Variants in BCL9L observed in about 807,000 individuals in gnomAD.
BCL9L encodes the protein BCL9 like, also known as B-cell CLL/lymphoma 9-like protein.
In BCL9L, 19 loss-of-function variants were observed where a neutral mutation model predicts 99.4. The ratio of observed to expected loss-of-function variants is 0.19; its 90% CI spans 0.13 to 0.28. BCL9L has a LOEUF of 0.28. Ranked by LOEUF, BCL9L falls within the 10% of genes least tolerant of loss-of-function variation. The probability of loss-of-function intolerance (pLI) is 1.00; values close to 1 mark genes in which losing one functional copy is unlikely to be tolerated. For missense variants in BCL9L, 2,023 were observed against 2,101.6 expected (o/e 0.96, Z 0.73); for synonymous variants, 900 against 854.8 (o/e 1.05, Z -0.92).
rs760040925 is a variant in BCL9L at position 118,899,947 on chromosome 11, G to C, written c.3376C>G (p.Pro1126Ala). 77 of 1,613,408 alleles carry C rather than the reference G, an allele frequency of 4.8e-5. No individual in the cohort carries two copies. The highest frequency in any genetic ancestry group is 1.3e-4 in the South Asian group (12 of 91,074). ...CCGGAGCCCTGCGGTGGTGGTGGGG[G>C]GGGCAGCAGGGGCCGGTCGGGCAGC... is the stretch of plus-strand genomic sequence containing the variant. ...ELLPDRPLLP[P>A]PPPPQGSGPG... The change falls in exon 9 of 10, where the codon CCC (proline) becomes GCC (alanine). Residue 1126 changes from proline to alanine, a missense_variant. Physicochemically the swap from Pro to Ala is conservative, Grantham distance 27. Coordinates refer to ENST00000683865, the MANE Select transcript of BCL9L (RefSeq NM_001378213.1).
intron 2 of BCL9L, among the ~76,000 whole-genome samples, chr11:118,915,673 G>C (rs1432891828): frequency 1.3e-5 from 2 of 152,202 alleles, no homozygotes; most frequent in African/African-American, 4.8e-5. Context: ...CCCTTCAAGA[G>C]AGCCAGCCTC....
At chr11:118,906,322 A>C (rs1297332679) in intron 5 of BCL9L, among the ~76,000 whole-genome samples, 1 of 152,206 alleles carries the variant, frequency 6.6e-6, no homozygotes, top group Non-Finnish European at 1.5e-5. Context: ...TTCTATCATC[A>C]AAGGGTTCAG....
Position 118,900,575 on chromosome 11 carries a change from CGCCTGCCTGCCT to C in BCL9L, c.3124+32_3124+43del, listed in dbSNP as rs756712665. 3.2e-4 allele frequency: 498 copies of C among 1,558,144 alleles called. No individual in the cohort carries two copies. Among genetic ancestry groups the C allele is most frequent in the African/African-American group, 1.7e-3 (123 of 74,182 alleles). On this transcript the variant is annotated intron_variant, in intron 8 of 9. Transcript: ENST00000683865. The surrounding 1 kb of genome is among the most constrained non-coding windows in gnomAD (Gnocchi z 5.3). ...GCCCCAGCATGGACACACTGCTCAG[CGCCTGCCTGCCT>C]GCCTGCCTGCCTGCCTGCGCAATTG...
At chr11:118,924,813 C>T (rs1592008821) in intron 1 of BCL9L, among the ~76,000 whole-genome samples, 1 of 152,242 alleles carries the variant, frequency 6.6e-6, no homozygotes, top group African/African-American at 2.4e-5. Flanking sequence ...CCCAGCTCTC[C>T]CCAGTCCCAA....
intron 2 of BCL9L, among the ~76,000 whole-genome samples, chr11:118,912,446 A>G (rs1376778804): frequency 6.6e-6 from 1 of 152,126 alleles, no homozygotes. Context: ...GAGGAGCGGA[A>G]GAGGCGGCTT....
rs1191165607 is a variant in BCL9L, at chr11:118,897,955, C to T, written c.*460G>A. 6 of 436,480 alleles carry T rather than the reference C, an allele frequency of 1.4e-5. No individual in the cohort carries two copies. The highest frequency in any genetic ancestry group is 5.5e-5 in the Admixed American group (2 of 36,336). The allele number at this position is 436,480 out of a possible 1,614,324, so 27.0% of individuals were successfully genotyped here. ...CAGGTAAAGACAGAAGGAAAATGGG[C>T]GGGTGCGGAGAAACCAAGAGGGAGG... On this transcript the variant is annotated 3_prime_UTR_variant, in exon 10 of 10. Coordinates refer to ENST00000683865, the MANE Select transcript of BCL9L (RefSeq NM_001378213.1).
chr11:118,899,127 G>A lies in BCL9L; in HGVS notation c.3788C>T (p.Pro1263Leu), dbSNP rs1459438509. 1 of 1,548,876 alleles carries A rather than the reference G, an allele frequency of 6.5e-7. No individual in the cohort carries two copies. The highest frequency in any genetic ancestry group is 8.7e-7 in the Non-Finnish European group (1 of 1,146,570). ...TGGCGGCTGGTTGGGCAGGTCCTCG[G>A]GAGGCAGGGCCATGCCTGACGGGTA... ...QHYPSGMALP[P>L]EDLPNQPPGP... The change falls in exon 10 of 10, where the codon CCC becomes CTC. Residue 1263 changes from proline (P) to leucine (L), a missense_variant. Pro to Leu is a moderately conservative substitution (Grantham distance 98). Around this residue, in one of 3 missense-constraint regions of BCL9L, gnomAD observed 902 missense variants for 888.2 expected, o/e 1.02. Transcript: ENST00000683865.
In BCL9L at chr11:118,898,567, G is replaced by A. The variant is rs1359968273; in HGVS notation, c.4348C>T (p.Pro1450Ser). ...GVGGEVYSQP[P>S]HMLSPQGSLM... Reference sequence around the variant, plus strand: ...GAGCCCTGCGGGGAGAGCATGTGGGGCGGCTGGCTGTAGACCTCGCCCCCC... The same window carrying A: ...GAGCCCTGCGGGGAGAGCATGTGGGACGGCTGGCTGTAGACCTCGCCCCCC... The change falls in exon 10 of 10, where the codon CCC becomes TCC. Residue 1450 changes from proline to serine, a missense_variant. Physicochemically the swap from Pro to Ser is moderately conservative, Grantham distance 74. Around this residue, in one of 3 missense-constraint regions of BCL9L, gnomAD observed 902 missense variants for 888.2 expected, o/e 1.02. Coordinates refer to ENST00000683865, the MANE Select transcript of BCL9L (RefSeq NM_001378213.1). The A allele has an allele frequency of 1.2e-6, 2 of 1,609,232 alleles. No homozygotes were observed. Among genetic ancestry groups the A allele is most frequent in the South Asian group, 1.1e-5 (1 of 90,690 alleles).
Position 118,900,040 on chromosome 11 carries a change from C to T in BCL9L, c.3283G>A (p.Ala1095Thr), listed in dbSNP as rs760832512. 5.6e-6 allele frequency: 9 copies of T among 1,613,904 alleles called. No individual in the cohort carries two copies. Among genetic ancestry groups the T allele is most frequent in the Non-Finnish European group, 7.6e-6 (9 of 1,179,970 alleles). The change falls in exon 9 of 10, where the codon GCC becomes ACC. Residue 1095 changes from alanine (A) to threonine (T), a missense_variant. By Grantham distance (58) the Ala-to-Thr change is moderately conservative (BLOSUM62 0). Transcript: ENST00000683865. The surrounding 1 kb of genome is among the most constrained non-coding windows in gnomAD (Gnocchi z 5.3). ...SLMMTQMSKY[A>T]MPSSTPLYHN... ...TAGAGCGGGGTGGAGCTGGGCATGG[C>T]GTACTTGGACATCTGGGTCATCATC...
intron 9 of BCL9L, 53 bp from the exon 10 acceptor site, chr11:118,899,561 G>T: frequency 6.3e-7 from 1 of 1,587,664 alleles, no homozygotes; most frequent in East Asian, 2.3e-5. Context: ...GCTCGGGGAG[G>T]GTGCAGGGCT....
At position 118,903,370 on chromosome 11, in the gene BCL9L, G is replaced by T. The variant is rs774782554; in HGVS notation, c.615C>A (p.Ser205Arg). The change falls in exon 6 of 10, where the codon AGC becomes AGA. Residue 205 changes from serine to arginine, a missense_variant. Physicochemically the swap from Ser to Arg is moderately radical, Grantham distance 110 (BLOSUM62 -1). Around this residue, in one of 3 missense-constraint regions of BCL9L, gnomAD observed 1,116 missense variants for 1,194.6 expected, o/e 0.93. Transcript: ENST00000683865. This position sits in a 1 kb window ranked among gnomAD's most constrained non-coding sequence, Gnocchi z 5.6. Reference sequence around the variant, plus strand: ...GAGGGCCGTGCGGGGCGCCTGGCACGCTGCTCTCGCTGAGGGGCAGTTGGG... The same window carrying T: ...GAGGGCCGTGCGGGGCGCCTGGCACTCTGCTCTCGCTGAGGGGCAGTTGGG... ...QTTQLPLSES[S>R]VPGAPHGPPP... is the part of the protein sequence containing the mutation. 3.1e-6 allele frequency: 5 copies of T among 1,608,888 alleles called. No homozygotes were observed. The South Asian group carries it at 5.5e-5, about 18-fold the overall frequency.
intron 5 of BCL9L, among the ~76,000 whole-genome samples, chr11:118,905,762 A>G (rs1270515771): frequency 2.0e-5 from 3 of 152,178 alleles, no homozygotes; most frequent in Non-Finnish European, 4.4e-5. Context: ...GGTTGCAGTA[A>G]GCCGAGTTCG....
At chr11:118,912,932 C>G (rs570846521) in intron 2 of BCL9L, among the ~76,000 whole-genome samples, 1 of 152,252 alleles carries the variant, frequency 6.6e-6, no homozygotes, top group African/African-American at 2.4e-5. Context: ...GGTCCCAAAT[C>G]CCCTTTCTCC....
At chr11:118,910,066 C>A in intron 2 of BCL9L, 51 bp from the exon 3 acceptor site, 2 of 1,307,448 alleles carry the variant, frequency 1.5e-6, no homozygotes, top group Non-Finnish European at 2.1e-6. Context: ...GAGGGGGTGT[C>A]AGAGGGGGAG....
intron 2 of BCL9L, among the ~76,000 whole-genome samples, chr11:118,918,080 T>G (rs979563132): frequency 2.0e-5 from 3 of 152,224 alleles, no homozygotes; most frequent in Middle Eastern, 3.4e-3. Flanking sequence ...GTGGAGAGGT[T>G]CGGGGCTGAG....
chr11:118,919,454 C>T (rs1255726032), intron 1 of BCL9L, among the ~76,000 whole-genome samples: 6 of 151,946 alleles, frequency 3.9e-5, no homozygotes, highest in Admixed American at 1.3e-4. Flanking sequence ...GGACCTGGGC[C>T]GAGGGAGTCG....
rs1940313537 is a variant in BCL9L, at chr11:118,902,602, C to G, written c.1141G>C (p.Gly381Arg). The G allele has an allele frequency of 6.2e-7, 1 of 1,600,076 alleles. No homozygotes were observed. Among genetic ancestry groups the G allele is most frequent in the African/African-American group, 1.3e-5 (1 of 75,048 alleles). ...CCATTTCCAGGGGCGGCTGCCTCCC[C>G]CAGCAGGGCAGGGCCGGGGGCACTG... ...PSSAPGPALL[G>R]EAAAPGNGQR... The change falls in exon 8 of 10, where the codon GGG (glycine) becomes CGG (arginine). Residue 381 changes from glycine (G) to arginine (R), a missense_variant. Gly to Arg is a moderately radical substitution (Grantham distance 125). Coordinates refer to ENST00000683865, the MANE Select transcript of BCL9L (RefSeq NM_001378213.1). This position sits in a 1 kb window ranked among gnomAD's most constrained non-coding sequence, Gnocchi z 7.8.
chr11:118,922,640 G>A lies in BCL9L; in HGVS notation c.-131+2598C>T, dbSNP rs968650591. On this transcript the variant is annotated intron_variant, in intron 1 of 9. Coordinates refer to ENST00000683865, the MANE Select transcript of BCL9L (RefSeq NM_001378213.1). The surrounding 1 kb of genome is among the most constrained non-coding windows in gnomAD (Gnocchi z 6.2). ...TGCCCGCGGCACCCAGCCTGTACCC[G>A]CTTGGCTCCCACGGCTGCCCACTTT... 6.6e-6 allele frequency among the ~76,000 whole-genome samples: 1 copy of A among 151,910 alleles called. No homozygotes were observed. The highest frequency in any genetic ancestry group is 1.5e-5 in the Non-Finnish European group (1 of 67,920).
chr11:118,907,799 T>C (rs1940589758), intron 4 of BCL9L, among the ~76,000 whole-genome samples, 197 bp from the exon 5 acceptor site: 1 of 152,206 alleles, frequency 6.6e-6, no homozygotes, highest in Non-Finnish European at 1.5e-5. Flanking sequence ...GCCCCATGCC[T>C]GTCTCCCCTC....
Sources: gnomAD v4.1 joint callset for allele counts (sites outside exome capture counted in the v4.1 genomes callset) on GRCh38, gnomAD v4.1.1 for gene constraint, gnomAD v4.1.1 regional missense constraint, Gnocchi (gnomAD v3.1) non-coding constraint, MANE v1.5 for transcripts, NCBI Gene and HGNC (gene_info 2026-07-23, HGNC 2026-07-21) for gene names.